The following SMURF1 variants were observed in gnomAD, a reference collection of about 807,000 sequenced individuals.
SMURF1 encodes E3 ubiquitin-protein ligase SMURF1.
A neutral mutation model predicts 98.0 loss-of-function variants in SMURF1; 44 were observed. That is an observed-to-expected ratio of 0.45 (90% CI 0.35 to 0.58). The LOEUF is 0.58. Ranked by LOEUF, SMURF1 falls within the 20% of genes least tolerant of loss-of-function variation. SMURF1 has a pLI of 0.00. For missense variants in SMURF1, 687 were observed against 938.4 expected (o/e 0.73, Z 3.50); for synonymous variants, 396 against 374.9 (o/e 1.06, Z -0.65).
At position 99,131,473 on chromosome 7, in the gene SMURF1, G is replaced by A. The variant is rs182731666; in HGVS notation, c.55+12253C>T. On this transcript the variant is annotated intron_variant, in intron 1 of 17. Coordinates refer to ENST00000361368, the MANE Select transcript of SMURF1 (RefSeq NM_181349.3). ...AAGAATCAAGGAAATGGGTAGGTGGGTGGTTCTTGCCTGTAATCCTAGTAC... is the reference window on the plus strand; with the variant it reads ...AAGAATCAAGGAAATGGGTAGGTGGATGGTTCTTGCCTGTAATCCTAGTAC... Among the ~76,000 whole-genome samples, 8 of 152,092 alleles carry A rather than the reference G, an allele frequency of 5.3e-5. No homozygotes were observed. The East Asian group carries it at 1.6e-3, about 30-fold the overall frequency.
intron 1 of SMURF1, among the ~76,000 whole-genome samples, chr7:99,065,487 T>C (rs546439116): frequency 6.6e-6 from 1 of 152,338 alleles, no homozygotes; most frequent in South Asian, 2.1e-4. Context: ...TTCCTTTTGT[T>C]GCATTTTCTC....
intron 1 of SMURF1, among the ~76,000 whole-genome samples, chr7:99,077,412 A>C (rs1368573533): frequency 6.6e-6 from 1 of 150,744 alleles, no homozygotes; most frequent in Non-Finnish European, 1.5e-5. Context: ...AGCTCAGTGC[A>C]ACCTCTGCCT....
intron 1 of SMURF1, among the ~76,000 whole-genome samples, chr7:99,103,479 A>G (rs892556391): frequency 5.3e-5 from 8 of 152,242 alleles, no homozygotes; most frequent in Admixed American, 4.6e-4. Context: ...ACAAAGCAGG[A>G]ATCTGATGGA....
intron 1 of SMURF1, among the ~76,000 whole-genome samples, chr7:99,065,297 AGGCGG>A (rs1796161525): frequency 2.0e-5 from 3 of 152,124 alleles, no homozygotes; most frequent in Non-Finnish European, 2.9e-5. Context: ...TATGTTGCCC[AGGCGG>A]GTCTGAAACT....
chr7:99,089,353 G>T (rs141325200), intron 1 of SMURF1, among the ~76,000 whole-genome samples: 6 of 151,248 alleles, frequency 4.0e-5, no homozygotes, highest in South Asian at 4.2e-4. Context: ...TTTAAAAACT[G>T]TATTTTAAAA....
At chr7:99,091,237 G>T (rs1796803867) in intron 1 of SMURF1, among the ~76,000 whole-genome samples, 1 of 152,082 alleles carries the variant, frequency 6.6e-6, no homozygotes, top group Non-Finnish European at 1.5e-5. Context: ...CCTTACTTTT[G>T]ACTACTGATT....
At chr7:99,115,120 A>G (rs1797408083) in intron 1 of SMURF1, among the ~76,000 whole-genome samples, 1 of 151,928 alleles carries the variant, frequency 6.6e-6, no homozygotes, top group South Asian at 2.1e-4. Flanking sequence ...CAAGCAGAAG[A>G]AAGGAAATAT....
intron 1 of SMURF1, among the ~76,000 whole-genome samples, chr7:99,070,630 AAATGGTATTAGGT>A (rs1796295203): frequency 6.6e-6 from 1 of 150,842 alleles, no homozygotes; most frequent in Admixed American, 6.7e-5. Context: ...CATATTTGTT[AAATGGTATTAGGT>A]AATGACTTTT....
intron 1 of SMURF1, among the ~76,000 whole-genome samples, chr7:99,114,997 G>A (rs549001423): frequency 2.6e-5 from 4 of 152,026 alleles, no homozygotes; most frequent in African/African-American, 9.6e-5. Context: ...AAGCAGTGAA[G>A]AGAACAAAAT....
intron 1 of SMURF1, among the ~76,000 whole-genome samples, chr7:99,136,065 A>G (rs79581067): frequency 0.01 from 1,590 of 152,350 alleles, 35 homozygotes; most frequent in African/African-American, 0.036. Flanking sequence ...GCACAGCGGC[A>G]TATACTTGCA....
chr7:99,088,756 T>C (rs1796737337), intron 1 of SMURF1, among the ~76,000 whole-genome samples: 1 of 152,160 alleles, frequency 6.6e-6, no homozygotes, highest in Admixed American at 6.6e-5. Context: ...TTTGGATATA[T>C]AGTAAGGATG....
intron 1 of SMURF1, among the ~76,000 whole-genome samples, chr7:99,126,029 A>G (rs2150631654): frequency 6.6e-6 from 1 of 152,262 alleles, no homozygotes; most frequent in South Asian, 2.1e-4. Context: ...GAGCCAGTTC[A>G]CATTTGGCCT....
Position 99,114,058 on chromosome 7 carries a change from G to C in SMURF1, c.55+29668C>G, listed in dbSNP as rs549087712. The stretch of plus-strand genomic sequence containing the variant: ...CATAATGTATAAAGATATAATCTGT[G>C]ACAATAACAAGATAAAGTGGTGGAC... On this transcript the variant is annotated intron_variant, in intron 1 of 17. Transcript: ENST00000361368. Among the ~76,000 whole-genome samples, 72 of 152,008 alleles carry C rather than the reference G, an allele frequency of 4.7e-4. 1 individual carries two copies. Among genetic ancestry groups the C allele is most frequent in the African/African-American group, 1.7e-3 (69 of 41,484 alleles).
chr7:99,091,043 A>G (rs1333046359), intron 1 of SMURF1, among the ~76,000 whole-genome samples: 1 of 152,216 alleles, frequency 6.6e-6, no homozygotes, highest in African/African-American at 2.4e-5. Flanking sequence ...AGCAGAGTTG[A>G]GTAGTTGTAA....
At position 99,064,122 on chromosome 7, in the gene SMURF1, T is replaced by A. The variant is rs376121478; in HGVS notation, c.56-2285A>T. On this transcript the variant is annotated intron_variant, in intron 1 of 17. Transcript: ENST00000361368. ...CCCTGCATTGTGAGATAAACTCAAC[T>A]TGGTCACGGTACACAGTCCTTTTAA... 1.2e-4 allele frequency among the ~76,000 whole-genome samples: 18 copies of A among 152,354 alleles called. No individual in the cohort carries two copies. In the East Asian group the frequency reaches 1.7e-3, roughly 15 times the overall value.
chr7:99,083,212 T>G (rs1796607728), intron 1 of SMURF1, among the ~76,000 whole-genome samples: 1 of 152,190 alleles, frequency 6.6e-6, no homozygotes, highest in Non-Finnish European at 1.5e-5. Context: ...ACTTTTATAG[T>G]ATGTGAGTTA....
chr7:99,125,091 T>G (rs1367846060), intron 1 of SMURF1, among the ~76,000 whole-genome samples: 1 of 143,770 alleles, frequency 7.0e-6, no homozygotes, highest in African/African-American at 2.7e-5. Flanking sequence ...ATTCATTCAT[T>G]CATTCGAGAC....
intron 1 of SMURF1, among the ~76,000 whole-genome samples, chr7:99,074,164 G>T (rs1236394021): frequency 6.6e-6 from 1 of 152,142 alleles, no homozygotes; most frequent in Admixed American, 6.6e-5. Context: ...TGCTGTTAAA[G>T]TTAGGCTAGT....
intron 17 of SMURF1, 124 bp downstream of exon 17, chr7:99,032,913 C>T: frequency 8.8e-6 from 10 of 1,134,706 alleles, no homozygotes; most frequent in Non-Finnish European, 1.3e-5. Context: ...CTTTTGAGTT[C>T]TGATGATGAC....
Sources: gnomAD v4.1 joint callset for allele counts (sites outside exome capture counted in the v4.1 genomes callset) on GRCh38, gnomAD v4.1.1 for gene constraint, MANE v1.5 for transcripts, NCBI Gene and HGNC (gene_info 2026-07-23, HGNC 2026-07-21) for gene names.